CPA3: variants seen among roughly 807,000 people sequenced by gnomAD.
CPA3 encodes carboxypeptidase A3.
In CPA3, 52 loss-of-function variants were observed where a neutral mutation model predicts 55.8. The observed-to-expected ratio is 0.93, with a 90% CI of 0.75 to 1.17. CPA3 has a LOEUF of 1.17. CPA3 is among the 50% of genes most tolerant of loss of function. CPA3 has a pLI of 0.00. For synonymous variants in CPA3, 179 were observed against 171.2 expected (o/e 1.05, Z -0.36); for missense variants, 547 against 509.1 (o/e 1.07, Z -0.72).
At chr3:148,865,652 A>C (rs140701969) in intron 2 of CPA3, 104 bp downstream of exon 2, 31 of 1,009,616 alleles carry the variant, frequency 3.1e-5, no homozygotes, top group Non-Finnish European at 4.4e-5. Context: ...ACTATTGAAC[A>C]TAAGGGGAAA....
chr3:148,883,591 C>G (rs1218736012), intron 8 of CPA3, 22 bp from the exon 9 acceptor site: 1 of 1,598,092 alleles, frequency 6.3e-7, no homozygotes, highest in African/African-American at 1.3e-5. Context: ...ACTGTGGTCT[C>G]ATCCACCTAT....
intron 10 of CPA3, among the ~76,000 whole-genome samples, chr3:148,888,398 G>A (rs1259269665): frequency 6.6e-6 from 1 of 152,200 alleles, no homozygotes; most frequent in Non-Finnish European, 1.5e-5. Flanking sequence ...AAAGTGTAGT[G>A]ATACAGATGA....
At chr3:148,889,258 A>T (rs1202140707) in intron 10 of CPA3, among the ~76,000 whole-genome samples, 1 of 152,186 alleles carries the variant, frequency 6.6e-6, no homozygotes, top group Non-Finnish European at 1.5e-5. Context: ...AATAAAAAAT[A>T]AAAATGTGAT....
In CPA3 at chr3:148,882,576, T is replaced by C; in HGVS notation, c.759T>C (p.Asn253=). 1.2e-6 allele frequency: 2 copies of C among 1,613,616 alleles called. No individual in the cohort carries two copies. Among genetic ancestry groups the C allele is most frequent in the Non-Finnish European group, 1.7e-6 (2 of 1,179,662 alleles). The part of the protein sequence containing the change: ...SKCIGTDLNR[N]FNASWNSIPN... The stretch of plus-strand genomic sequence containing the variant: ...GCATCGGCACTGACCTCAACAGGAA[T>C]TTTAATGCTTCATGGAACTGTGAGT... The change falls in exon 8 of 11, where the codon AAT becomes AAC. Residue 253 remains asparagine, a synonymous_variant. Coordinates refer to ENST00000296046, the MANE Select transcript of CPA3 (RefSeq NM_001870.4).
At chr3:148,881,266 T>A (rs1009538868) in intron 6 of CPA3, among the ~76,000 whole-genome samples, 2 of 152,208 alleles carry the variant, frequency 1.3e-5, no homozygotes, top group African/African-American at 2.4e-5. Flanking sequence ...ATGCTACATT[T>A]GGAATGCTAT....
At chr3:148,895,981 T>C (rs1029566573) in intron 10 of CPA3, among the ~76,000 whole-genome samples, 7 of 152,208 alleles carry the variant, frequency 4.6e-5, no homozygotes, top group African/African-American at 1.4e-4. Flanking sequence ...TTGAGTTAAA[T>C]TTCATAAAAG....
chr3:148,872,061 A>G (rs886495221), intron 3 of CPA3, among the ~76,000 whole-genome samples: 1 of 152,084 alleles, frequency 6.6e-6, no homozygotes, highest in Non-Finnish European at 1.5e-5. Flanking sequence ...ATCAACTACT[A>G]TTTAGTTTAA....
intron 3 of CPA3, among the ~76,000 whole-genome samples, chr3:148,873,693 C>T (rs879297731): frequency 1.3e-5 from 2 of 152,134 alleles, no homozygotes; most frequent in Admixed American, 6.5e-5. Context: ...CTCACAGCTA[C>T]GGTGCTGATG....
At position 148,865,326 on chromosome 3, in the gene CPA3, G is replaced by T. The variant is rs143377024; in HGVS notation, c.19G>T (p.Val7Leu). The T allele has an allele frequency of 4.3e-6, 7 of 1,614,030 alleles. No homozygotes were observed. The South Asian group carries it at 7.7e-5, about 18-fold the overall frequency. ...AAGAACCATGAGGCTCATCCTGCCT[G>T]TGGGTTTGATTGCTACCACTCTTGC... MRLILP[V>L]GLIATTLAIA... The change falls in exon 1 of 11, where the codon GTG becomes TTG. Residue 7 changes from valine to leucine, a missense_variant. Val to Leu is a conservative substitution (Grantham distance 32). Coordinates refer to ENST00000296046, the MANE Select transcript of CPA3 (RefSeq NM_001870.4).
At chr3:148,894,289 G>A (rs1451515110) in intron 10 of CPA3, among the ~76,000 whole-genome samples, 2 of 152,208 alleles carry the variant, frequency 1.3e-5, no homozygotes, top group East Asian at 1.9e-4. Context: ...ATAGTAAAAT[G>A]TCAATACCAT....
chr3:148,891,361 T>G (rs1322353297), intron 10 of CPA3, among the ~76,000 whole-genome samples: 2 of 151,962 alleles, frequency 1.3e-5, no homozygotes, highest in Non-Finnish European at 2.9e-5. Context: ...ACACCTGTAG[T>G]CCCAGCTACT....
At chr3:148,886,603 G>A (rs1018608315) in intron 10 of CPA3, among the ~76,000 whole-genome samples, 6 of 152,122 alleles carry the variant, frequency 3.9e-5, no homozygotes, top group Non-Finnish European at 8.8e-5. Context: ...GCTGGGGTGG[G>A]AAGATCATTT....
intron 3 of CPA3, among the ~76,000 whole-genome samples, chr3:148,870,471 C>T (rs956968354): frequency 4.6e-5 from 7 of 152,056 alleles, no homozygotes; most frequent in Non-Finnish European, 1.0e-4. Context: ...TTAAAAATCA[C>T]GTACATAAGT....
At position 148,878,739 on chromosome 3, in the gene CPA3, T is replaced by A. The variant is rs61733456; in HGVS notation, c.465T>A (p.Tyr155Ter). ...IGSTVEDNPL[Y>*]VLKIGEKNER... Reference sequence around the variant, plus strand: ...CTACTGTTGAAGATAATCCACTATATGTTCTGAAGGTAAAAATAACTCAAG... The same window carrying A: ...CTACTGTTGAAGATAATCCACTATAAGTTCTGAAGGTAAAAATAACTCAAG... Residue 155 changes from tyrosine to a stop codon, truncating the protein, a stop_gained, in exon 5 of 11, where the codon TAT becomes TAA. Transcript: ENST00000296046. LOFTEE classifies it high-confidence loss of function. 2 of 1,569,814 alleles carry A rather than the reference T, an allele frequency of 1.3e-6. No individual in the cohort carries two copies. Among genetic ancestry groups the A allele is most frequent in the African/African-American group, 2.7e-5 (2 of 73,524 alleles).
At chr3:148,881,151 GA>G (rs1163337149) in intron 6 of CPA3, among the ~76,000 whole-genome samples, 1 of 152,060 alleles carries the variant, frequency 6.6e-6, no homozygotes, top group Non-Finnish European at 1.5e-5. Context: ...TGTGCTTACA[GA>G]CTCTATCTAT....
chr3:148,882,098 C>G (rs1019400685), intron 7 of CPA3, among the ~76,000 whole-genome samples: 10 of 152,138 alleles, frequency 6.6e-5, no homozygotes, highest in African/African-American at 2.4e-4. Context: ...CAGGCAGACA[C>G]TGTCACATCA....
At chr3:148,883,023 G>A (rs915006996) in intron 8 of CPA3, among the ~76,000 whole-genome samples, 2 of 152,184 alleles carry the variant, frequency 1.3e-5, no homozygotes, top group Admixed American at 6.5e-5. Context: ...ACGATGATAA[G>A]CAGAGGCCTG....
At chr3:148,871,436 A>G (rs1714064480) in intron 3 of CPA3, among the ~76,000 whole-genome samples, 2 of 152,330 alleles carry the variant, frequency 1.3e-5, no homozygotes, top group African/African-American at 4.8e-5. Context: ...ATGTATCTAG[A>G]AAAGCTAGTT....
chr3:148,871,875 T>C (rs1198720673), intron 3 of CPA3, among the ~76,000 whole-genome samples: 6 of 152,178 alleles, frequency 3.9e-5, no homozygotes, highest in African/African-American at 2.4e-5. Context: ...ACTAATTATA[T>C]AGATAATTTT....
Sources: allele counts gnomAD v4.1 joint callset (sites outside exome capture counted in the v4.1 genomes callset), GRCh38; gene constraint gnomAD v4.1.1; transcripts MANE v1.5; gene names NCBI Gene and HGNC (gene_info 2026-07-23, HGNC 2026-07-21).